The following WNT9A variants were observed in gnomAD, a reference collection of about 807,000 sequenced individuals.
The protein encoded by WNT9A is Wnt family member 9A.
In WNT9A, 8 loss-of-function variants were observed where a neutral mutation model predicts 31.4. That is an observed-to-expected ratio of 0.26 (90% CI 0.15 to 0.46). WNT9A has a LOEUF of 0.46. Ranked by LOEUF, WNT9A falls within the 20% of genes least tolerant of loss-of-function variation. The pLI is 0.99. For synonymous variants in WNT9A, 236 were observed against 220.1 expected (o/e 1.07, Z -0.64); for missense variants, 457 against 522.9 (o/e 0.87, Z 1.23).
chr1:227,920,768 C>T lies in WNT9A; in HGVS notation c.*750G>A, dbSNP rs1209246712. 6.6e-6 allele frequency: 1 copy of T among 152,194 alleles called. No individual in the cohort carries two copies. The highest frequency in any genetic ancestry group is 1.5e-5 in the Non-Finnish European group (1 of 68,060). The allele number at this position is 152,194 out of a possible 1,614,324, so 9.4% of individuals were successfully genotyped here. A position where few individuals can be genotyped will look rare whatever the true frequency, so the allele number is the denominator to read the frequency against. On this transcript the variant is annotated 3_prime_UTR_variant, in exon 4 of 4. Coordinates refer to ENST00000272164, the MANE Select transcript of WNT9A (RefSeq NM_003395.4). ...ATGGACTGGCATGGGGAGCCGCTTC[C>T]CAGGGACTGGTGTGTTAGGGATGGG...
Position 227,932,488 on chromosome 1 carries a change from C to T in WNT9A, c.96-6969G>A, listed in dbSNP as rs138073839. On this transcript the variant is annotated intron_variant, in intron 1 of 3. Transcript: ENST00000272164. The stretch of plus-strand genomic sequence containing the variant: ...AATCAACATTTTCCAAACTCCTGTT[C>T]ATGTTGCTGTTTTGACCTCCTCCCA... 8.0e-3 allele frequency among the ~76,000 whole-genome samples: 1,222 copies of T among 152,280 alleles called. 17 individuals carry two copies. Among genetic ancestry groups the T allele is most frequent in the African/African-American group, 0.028 (1,147 of 41,548 alleles).
At position 227,942,631 on chromosome 1, in the gene WNT9A, C is replaced by T. The variant is rs180971195; in HGVS notation, c.95+5162G>A. The stretch of plus-strand genomic sequence containing the variant: ...CCACTGAGCCACTTCCACGATCTCT[C>T]GAAACAAGGCAGCTCCCTGGCCCCT... On this transcript the variant is annotated intron_variant, in intron 1 of 3. Transcript: ENST00000272164. This position sits in a 1 kb window ranked among gnomAD's most constrained non-coding sequence, Gnocchi z 5.7. 2.0e-4 allele frequency among the ~76,000 whole-genome samples: 31 copies of T among 152,292 alleles called. No individual in the cohort carries two copies. The highest frequency in any genetic ancestry group is 1.7e-3 in the East Asian group (9 of 5,152).
intron 1 of WNT9A, among the ~76,000 whole-genome samples, chr1:227,934,878 G>A (rs1666564320): frequency 1.3e-5 from 2 of 150,212 alleles, no homozygotes; most frequent in South Asian, 4.2e-4. Context: ...TCATAGTGGG[G>A]GCTGTGACCC....
rs1666506946 is a variant in WNT9A, at chr1:227,931,307, C to A, written c.96-5788G>T. 1.3e-5 allele frequency among the ~76,000 whole-genome samples: 2 copies of A among 152,158 alleles called. 1 individual carries two copies. Among genetic ancestry groups the A allele is most frequent in the South Asian group, 4.1e-4 (2 of 4,832 alleles). On this transcript the variant is annotated intron_variant, in intron 1 of 3. Transcript: ENST00000272164. ...CGATAGTGTCTTCCTAGGATTTTCACGTCTGTGTTTGTGATTTTCTTCTCT... is the reference window on the plus strand; with the variant it reads ...CGATAGTGTCTTCCTAGGATTTTCAAGTCTGTGTTTGTGATTTTCTTCTCT...
rs1476036987 is a variant in WNT9A, at chr1:227,920,089, CT to C, written c.*1428del. 6.6e-6 allele frequency: 1 copy of C among 152,392 alleles called. No homozygotes were observed. Among genetic ancestry groups the C allele is most frequent in the Non-Finnish European group, 1.5e-5 (1 of 68,162 alleles). The allele number at this position is 152,392 out of a possible 1,614,324, so 9.4% of individuals were successfully genotyped here. A position where few individuals can be genotyped will look rare whatever the true frequency, so the allele number is the denominator to read the frequency against. On this transcript the variant is annotated 3_prime_UTR_variant, in exon 4 of 4. Transcript: ENST00000272164. ...CCCTGCCCCCTCACCATGCCCGCCCCTCTCCACCACCCCCAGCTCGAGAATC... is the reference window on the plus strand; with the variant it reads ...CCCTGCCCCCTCACCATGCCCGCCCCCTCCACCACCCCCAGCTCGAGAATC...
At chr1:227,922,113 C>G in intron 3 of WNT9A, 113 bp from the exon 4 acceptor site, 1 of 1,462,460 alleles carries the variant, frequency 6.8e-7, no homozygotes, top group Middle Eastern at 2.4e-4. Flanking sequence ...CAGGCCCAGG[C>G]CCTGCCGGCG....
In WNT9A at chr1:227,942,489, C is replaced by G. The variant is rs1011138748; in HGVS notation, c.95+5304G>C. Among the ~76,000 whole-genome samples, 3 of 152,226 alleles carry G rather than the reference C, an allele frequency of 2.0e-5. No individual in the cohort carries two copies. In the East Asian group the frequency reaches 5.8e-4, roughly 30 times the overall value. ...GCCACGGGGTCCCAGTCCAGGAGTC[C>G]TGGAGAAATGCCCCGACTTTCCACT... On this transcript the variant is annotated intron_variant, in intron 1 of 3. Coordinates refer to ENST00000272164, the MANE Select transcript of WNT9A (RefSeq NM_003395.4). The surrounding 1 kb of genome is among the most constrained non-coding windows in gnomAD (Gnocchi z 5.7).
At chr1:227,943,016 C>T (rs1343101173) in intron 1 of WNT9A, among the ~76,000 whole-genome samples, 1 of 152,202 alleles carries the variant, frequency 6.6e-6, no homozygotes, top group Non-Finnish European at 1.5e-5. Flanking sequence ...GCCAGCTGTG[C>T]CCCAGGCCTG....
In WNT9A at chr1:227,924,300, G is replaced by A. The variant is rs1320794484; in HGVS notation, c.453C>T (p.Cys151=). 1.1e-5 allele frequency: 18 copies of A among 1,613,730 alleles called. No homozygotes were observed. Among genetic ancestry groups the A allele is most frequent in the Non-Finnish European group, 1.4e-5 (17 of 1,179,966 alleles). Residue 151 remains cysteine, a synonymous_variant, in exon 3 of 4, where the codon TGC becomes TGT. Coordinates refer to ENST00000272164, the MANE Select transcript of WNT9A (RefSeq NM_003395.4). ...CSAGRMERCT[C]DEAPDLENRE... is the part of the protein sequence containing the mutation. ...GGTTCTCCAGGTCGGGTGCCTCATCGCAGGTACAGCGCTCCATGCGGCCCG... is the reference window on the plus strand; with the variant it reads ...GGTTCTCCAGGTCGGGTGCCTCATCACAGGTACAGCGCTCCATGCGGCCCG...
chr1:227,922,060 C>G, intron 3 of WNT9A, 60 bp from the exon 4 acceptor site: 2 of 1,542,296 alleles, frequency 1.3e-6, no homozygotes, highest in Non-Finnish European at 1.7e-6. Flanking sequence ...GCCCAGTGAG[C>G]AGACCCTGCC....
In WNT9A at chr1:227,925,242, G is replaced by A; in HGVS notation, c.352+21C>T. On this transcript the variant is annotated intron_variant, in intron 2 of 3. Coordinates refer to ENST00000272164, the MANE Select transcript of WNT9A (RefSeq NM_003395.4). The surrounding 1 kb of genome is among the most constrained non-coding windows in gnomAD (Gnocchi z 6.0). ...GCCACCTGTCTGGGGCCTTCCTGAG[G>A]GCCAGGCCGGCCACACTCACCTCGC... is the stretch of plus-strand genomic sequence containing the variant. 6.6e-7 allele frequency: 1 copy of A among 1,521,070 alleles called. No individual in the cohort carries two copies. The highest frequency in any genetic ancestry group is 8.8e-7 in the Non-Finnish European group (1 of 1,131,278). 94.2% of individuals were successfully genotyped at this position (1,521,070 alleles called of 1,614,324 possible). A position where few individuals can be genotyped will look rare whatever the true frequency, so the allele number is the denominator to read the frequency against.
At chr1:227,938,693 A>G (rs559594935) in intron 1 of WNT9A, among the ~76,000 whole-genome samples, 1 of 152,246 alleles carries the variant, frequency 6.6e-6, no homozygotes, top group African/African-American at 2.4e-5. Context: ...GTACACACAT[A>G]AGATCCATGT....
At chr1:227,943,053 C>T (rs1171783406) in intron 1 of WNT9A, among the ~76,000 whole-genome samples, 1 of 152,216 alleles carries the variant, frequency 6.6e-6, no homozygotes, top group East Asian at 1.9e-4. Flanking sequence ...AGCCATGGGA[C>T]CAGGCAGGGT....
chr1:227,937,759 TGGCCTTCAG>T (rs1168933184), intron 1 of WNT9A, among the ~76,000 whole-genome samples: 1 of 152,266 alleles, frequency 6.6e-6, no homozygotes, highest in Non-Finnish European at 1.5e-5. Context: ...TTCAGACTTC[TGGCCTTCAG>T]ACCTGAGACA....
intron 1 of WNT9A, among the ~76,000 whole-genome samples, chr1:227,929,966 G>A (rs563030540): frequency 1.3e-5 from 2 of 152,292 alleles, no homozygotes; most frequent in Admixed American, 1.3e-4. Context: ...GCTGTGAGCA[G>A]CATACTTCTG....
At chr1:227,947,151 G>A (rs1029294954) in intron 1 of WNT9A, among the ~76,000 whole-genome samples, 2 of 152,186 alleles carry the variant, frequency 1.3e-5, no homozygotes, top group Non-Finnish European at 2.9e-5. Context: ...AGAGACACGT[G>A]AGCACGGGCA....
chr1:227,942,794 C>T lies in WNT9A; in HGVS notation c.95+4999G>A, dbSNP rs1666729139. On this transcript the variant is annotated intron_variant, in intron 1 of 3. Transcript: ENST00000272164. This position sits in a 1 kb window ranked among gnomAD's most constrained non-coding sequence, Gnocchi z 5.7. ...GGACAGTGCCTGCCCAAACCTAAGC[C>T]TGAGCTCTCAGCTGCTCCCAAACCC... 6.6e-6 allele frequency among the ~76,000 whole-genome samples: 1 copy of T among 152,212 alleles called. No individual in the cohort carries two copies. The highest frequency in any genetic ancestry group is 2.1e-4 in the South Asian group (1 of 4,834).
chr1:227,937,225 G>A lies in WNT9A; in HGVS notation c.95+10568C>T, dbSNP rs187502520. 2.2e-3 allele frequency among the ~76,000 whole-genome samples: 329 copies of A among 152,322 alleles called. 1 individual carries two copies. Among genetic ancestry groups the A allele is most frequent in the African/African-American group, 7.6e-3 (316 of 41,568 alleles). ...ATCCCCAAGTGTCTTCCTTCCTAGA[G>A]GCAGAGTGAGGAGAGCCGCTGCACT... On this transcript the variant is annotated intron_variant, in intron 1 of 3. Coordinates refer to ENST00000272164, the MANE Select transcript of WNT9A (RefSeq NM_003395.4).
intron 1 of WNT9A, among the ~76,000 whole-genome samples, chr1:227,929,792 A>C (rs1372747147): frequency 6.6e-6 from 1 of 152,202 alleles, no homozygotes; most frequent in Non-Finnish European, 1.5e-5. Context: ...TGTGGTTAAA[A>C]TAATAATAAA....
Sources: gnomAD v4.1 joint callset for allele counts (sites outside exome capture counted in the v4.1 genomes callset) on GRCh38, gnomAD v4.1.1 for gene constraint, Gnocchi (gnomAD v3.1) non-coding constraint, MANE v1.5 for transcripts, NCBI Gene and HGNC (gene_info 2026-07-23, HGNC 2026-07-21) for gene names.